PTPN12: variants seen among roughly 807,000 people sequenced by gnomAD.
The protein encoded by PTPN12 is protein tyrosine phosphatase non-receptor type 12.
PTPN12 carries 29 observed loss-of-function variants against 97.6 expected under a neutral mutation model. That is an observed-to-expected ratio of 0.30 (90% CI 0.22 to 0.41). The LOEUF is 0.41. Among genes scored for constraint, PTPN12 ranks in the 10% least tolerant of loss-of-function variants. The probability of loss-of-function intolerance (pLI) is 1.00; values close to 1 mark genes in which losing one functional copy is unlikely to be tolerated. For missense variants in PTPN12, 819 were observed against 926.0 expected (o/e 0.88, Z 1.50); for synonymous variants, 327 against 300.4 (o/e 1.09, Z -0.91).
chr7:77,639,562 G>C lies in PTPN12; in HGVS notation c.*282G>C. The C allele has an allele frequency of 3.1e-6, 1 of 322,000 alleles. No individual in the cohort carries two copies. The highest frequency in any genetic ancestry group is 8.6e-4 in the Middle Eastern group (1 of 1,166). The allele number at this position is 322,000 out of a possible 1,614,324, so 19.9% of individuals were successfully genotyped here. Reference sequence around the variant, plus strand: ...TATAGTAATACCTTTATGATATATTGAGTTTAAGGACTACTCTTTTTCTGT... The same window carrying C: ...TATAGTAATACCTTTATGATATATTCAGTTTAAGGACTACTCTTTTTCTGT... On this transcript the variant is annotated 3_prime_UTR_variant, in exon 18 of 18. Transcript: ENST00000248594.
chr7:77,611,264 A>T (rs543962273), intron 11 of PTPN12, among the ~76,000 whole-genome samples: 1 of 152,248 alleles, frequency 6.6e-6, no homozygotes, highest in Non-Finnish European at 1.5e-5. Flanking sequence ...TAAATGAAAT[A>T]AAGTTAGGAA....
At chr7:77,572,867 G>A (rs908331653) in intron 2 of PTPN12, among the ~76,000 whole-genome samples, 2 of 152,114 alleles carry the variant, frequency 1.3e-5, no homozygotes, top group African/African-American at 2.4e-5. Context: ...GGTGGATCAC[G>A]AGGTCAGGAG....
At chr7:77,571,567 T>A (rs1787138046) in intron 2 of PTPN12, among the ~76,000 whole-genome samples, 1 of 152,200 alleles carries the variant, frequency 6.6e-6, no homozygotes, top group Non-Finnish European at 1.5e-5. Flanking sequence ...GAACCTTAAT[T>A]GATTAATTAT....
chr7:77,601,796 A>G (rs979931018), intron 8 of PTPN12, among the ~76,000 whole-genome samples: 8 of 152,164 alleles, frequency 5.3e-5, no homozygotes, highest in African/African-American at 1.9e-4. Context: ...CTGTCATATC[A>G]TGAAATTTTA....
intron 2 of PTPN12, among the ~76,000 whole-genome samples, chr7:77,577,074 A>G (rs1427482420): frequency 1.3e-5 from 2 of 152,206 alleles, no homozygotes; most frequent in African/African-American, 4.8e-5. Context: ...CATTTGTTCC[A>G]TACTCCAATT....
In PTPN12 at chr7:77,627,234, A is replaced by C; in HGVS notation, c.1555A>C (p.Thr519Pro). Residue 519 changes from threonine (T) to proline (P), a missense_variant, in exon 13 of 18, where the codon ACA becomes CCA. Coordinates refer to ENST00000248594, the MANE Select transcript of PTPN12 (RefSeq NM_002835.4). Reference sequence around the variant, plus strand: ...ACCAGAAGAATCCCAGAATTCAGACACACCTCCAAGGCCAGACCGCTTGCC... The same window carrying C: ...ACCAGAAGAATCCCAGAATTCAGACCCACCTCCAAGGCCAGACCGCTTGCC... Reference protein sequence around the residue: ...TPPEESQNSDTPPRPDRLPLD... With the variant: ...TPPEESQNSDPPPRPDRLPLD... 6.2e-7 allele frequency: 1 copy of C among 1,614,124 alleles called. No individual in the cohort carries two copies. The highest frequency in any genetic ancestry group is 2.2e-5 in the East Asian group (1 of 44,882).
At chr7:77,586,627 T>C (rs1038226025) in intron 5 of PTPN12, among the ~76,000 whole-genome samples, 1 of 152,210 alleles carries the variant, frequency 6.6e-6, no homozygotes, top group Non-Finnish European at 1.5e-5. Flanking sequence ...ATTGATTGTC[T>C]CTTCCTTTCA....
chr7:77,592,066 T>C (rs1315902932), intron 5 of PTPN12, 119 bp from the exon 6 acceptor site: 3 of 795,590 alleles, frequency 3.8e-6, no homozygotes, highest in East Asian at 2.6e-5. Flanking sequence ...TGCCTGCTAA[T>C]GTGGGTTTTT....
intron 1 of PTPN12, among the ~76,000 whole-genome samples, chr7:77,566,524 C>T (rs954822004): frequency 6.6e-6 from 1 of 152,118 alleles, no homozygotes; most frequent in Non-Finnish European, 1.5e-5. Flanking sequence ...GAGTTCGAGA[C>T]CAGCCTGGAC....
chr7:77,636,935 A>AT (rs1789613977), intron 15 of PTPN12, 83 bp from the exon 16 acceptor site: 1 of 1,028,920 alleles, frequency 9.7e-7, no homozygotes, highest in South Asian at 1.5e-5. Flanking sequence ...TTCTTGGGAT[A>AT]TATACCCATA....
intron 1 of PTPN12, among the ~76,000 whole-genome samples, chr7:77,548,387 G>A (rs1185226358): frequency 6.6e-6 from 1 of 152,210 alleles, no homozygotes; most frequent in East Asian, 1.9e-4. Flanking sequence ...TAGGTCACAT[G>A]CTACAAAACC....
chr7:77,568,950 C>A (rs1033592094), intron 1 of PTPN12, among the ~76,000 whole-genome samples: 2 of 152,162 alleles, frequency 1.3e-5, no homozygotes, highest in South Asian at 2.1e-4. Flanking sequence ...ATTAAATGTG[C>A]AAGATGCGTA....
chr7:77,574,200 T>A (rs1048819749), intron 2 of PTPN12, among the ~76,000 whole-genome samples: 1 of 152,110 alleles, frequency 6.6e-6, no homozygotes, highest in African/African-American at 2.4e-5. Context: ...GTGGTTCGAA[T>A]GAGGGATAGG....
At chr7:77,634,369 T>A (rs143470787) in intron 14 of PTPN12, among the ~76,000 whole-genome samples, 385 of 152,308 alleles carry the variant, frequency 2.5e-3, no homozygotes, top group Middle Eastern at 0.01. Flanking sequence ...TCTAAGTACA[T>A]TTTACCAATA....
At chr7:77,543,816 C>G (rs1284717541) in intron 1 of PTPN12, among the ~76,000 whole-genome samples, 1 of 152,170 alleles carries the variant, frequency 6.6e-6, no homozygotes, top group Non-Finnish European at 1.5e-5. Flanking sequence ...TTTCAAGTTT[C>G]ATCCATGTTA....
At chr7:77,564,630 TTTTA>T (rs955000024) in intron 1 of PTPN12, among the ~76,000 whole-genome samples, 1 of 151,958 alleles carries the variant, frequency 6.6e-6, no homozygotes, top group Non-Finnish European at 1.5e-5. Context: ...TAATTTCCAT[TTTTA>T]TTTACTATAC....
intron 15 of PTPN12, 41 bp from the exon 16 acceptor site, chr7:77,636,977 A>G (rs1230041144): frequency 6.7e-7 from 1 of 1,501,446 alleles, no homozygotes; most frequent in South Asian, 1.2e-5. Context: ...TTGTATATAA[A>G]ATGAATGTAT....
At chr7:77,598,688 A>C (rs1788097031) in intron 7 of PTPN12, among the ~76,000 whole-genome samples, 2 of 152,126 alleles carry the variant, frequency 1.3e-5, no homozygotes, top group Non-Finnish European at 2.9e-5. Context: ...GTCTCAAAAA[A>C]TAAAATAAAA....
rs1789234463 is a variant in PTPN12, at chr7:77,627,381, T to A, written c.1702T>A (p.Leu568Ile). 11 of 1,613,976 alleles carry A rather than the reference T, an allele frequency of 6.8e-6. No individual in the cohort carries two copies. The East Asian group carries it at 2.5e-4, about 36-fold the overall frequency. The change falls in exon 13 of 18, where the codon TTA becomes ATA. Residue 568 changes from leucine to isoleucine, a missense_variant. This residue lies in a region of PTPN12 where 607 missense variants were observed against 577.3 expected (regional missense o/e 1.05). Transcript: ENST00000248594. Reference protein sequence around the residue: ...INYQTRKTVSLTPSPTTQVET... With the variant: ...INYQTRKTVSITPSPTTQVET... ...CTATCAAACTAGGAAAACTGTGAGT[T>A]TAACACCAAGTCCTACAACACAAGT...
Sources: allele counts gnomAD v4.1 joint callset (sites outside exome capture counted in the v4.1 genomes callset), GRCh38; gene constraint gnomAD v4.1.1; regional missense constraint gnomAD v4.1.1; transcripts MANE v1.5; gene names NCBI Gene and HGNC (gene_info 2026-07-23, HGNC 2026-07-21).